CPNE4: variants seen among roughly 807,000 people sequenced by gnomAD.
CPNE4 encodes the protein copine-4.
CPNE4 carries 25 observed loss-of-function variants against 67.9 expected under a neutral mutation model. The observed-to-expected ratio is 0.37, with a 90% CI of 0.27 to 0.51. CPNE4 has a LOEUF of 0.51. Ranked by LOEUF, CPNE4 falls within the 20% of genes least tolerant of loss-of-function variation. CPNE4 has a pLI of 0.93. For missense variants in CPNE4, 464 were observed against 690.8 expected (o/e 0.67, Z 3.68); for synonymous variants, 242 against 244.9 (o/e 0.99, Z 0.11).
At position 131,737,115 on chromosome 3, in the gene CPNE4, C is replaced by CATTT. The variant is rs1188464902; in HGVS notation, c.181-13491_181-13490insAAAT. On this transcript the variant is annotated intron_variant, in intron 2 of 15. Transcript: ENST00000429747. ...TGCCTCTTTTTATGAAGTATTGTGT[C>CATTT]TTTTTTTTTTTTTTTTTTTTTTTTT... is the stretch of plus-strand genomic sequence containing the variant. 7.3e-4 allele frequency among the ~76,000 whole-genome samples: 36 copies of CATTT among 49,402 alleles called. 1 individual carries two copies. Among genetic ancestry groups the CATTT allele is most frequent in the African/African-American group, 2.6e-3 (34 of 13,092 alleles). The allele number at this position is 49,402 out of a possible 152,430, so 32.4% of individuals were successfully genotyped here.
chr3:131,675,015 A>G (rs926244035), intron 6 of CPNE4, among the ~76,000 whole-genome samples: 1 of 151,886 alleles, frequency 6.6e-6, no homozygotes, highest in African/African-American at 2.4e-5. Flanking sequence ...TTATTTTCAT[A>G]TTCATTTGTT....
chr3:131,792,688 TATATATACATATACACACAC>T (rs1465203278), intron 2 of CPNE4, among the ~76,000 whole-genome samples: 14 of 48,466 alleles, frequency 2.9e-4, no homozygotes, highest in East Asian at 1.1e-3. Context: ...TACACACGTG[TATATATACATATACACACAC>T]GTGTATATAT....
At chr3:131,880,361 C>T (rs964754460) in intron 2 of CPNE4, among the ~76,000 whole-genome samples, 6 of 152,034 alleles carry the variant, frequency 3.9e-5, no homozygotes, top group Non-Finnish European at 8.8e-5. Context: ...GTGATACGCC[C>T]GCCCGACCTC....
intron 2 of CPNE4, among the ~76,000 whole-genome samples, chr3:131,886,134 T>C (rs1200317164): frequency 2.6e-5 from 4 of 152,228 alleles, no homozygotes; most frequent in Admixed American, 6.5e-5. Flanking sequence ...AGTGGTTTCA[T>C]GGGCTGGGCC....
chr3:131,687,593 G>A (rs1484958827), intron 5 of CPNE4, among the ~76,000 whole-genome samples: 1 of 152,118 alleles, frequency 6.6e-6, no homozygotes, highest in African/African-American at 2.4e-5. Flanking sequence ...GCAAGCCAGA[G>A]TCAAACTCGT....
rs758212457 is a variant in CPNE4 at position 131,685,842 on chromosome 3, A to G, written c.591+33T>C. The G allele has an allele frequency of 3.6e-6, 5 of 1,371,094 alleles. No individual in the cohort carries two copies. In the South Asian group the frequency reaches 4.7e-5, roughly 13 times the overall value. The allele number at this position is 1,371,094 out of a possible 1,614,324, so 84.9% of individuals were successfully genotyped here. A position where few individuals can be genotyped will look rare whatever the true frequency, so the allele number is the denominator to read the frequency against. On this transcript the variant is annotated intron_variant, in intron 6 of 15. Coordinates refer to ENST00000429747, the MANE Select transcript of CPNE4 (RefSeq NM_130808.3). ...TAGGTCAATTTATCATCATCTTAGG[A>G]GATAAGAGGGCATAGCTGAAGATGA...
intron 5 of CPNE4, among the ~76,000 whole-genome samples, chr3:131,690,146 C>A (rs1583027027): frequency 1.3e-5 from 2 of 152,102 alleles, no homozygotes; most frequent in South Asian, 4.1e-4. Flanking sequence ...ATGCTACTTA[C>A]ATCAAACTAT....
Position 131,543,419 on chromosome 3 carries a change from A to G in CPNE4, c.1303-626T>C, listed in dbSNP as rs554250106. On this transcript the variant is annotated intron_variant, in intron 14 of 15. Coordinates refer to ENST00000429747, the MANE Select transcript of CPNE4 (RefSeq NM_130808.3). Reference sequence around the variant, plus strand: ...TTAATCTACTTTTTCTTTCTTTGTAACTGTCAGTGAGGTAGTTATTAAAAT... The same window carrying G: ...TTAATCTACTTTTTCTTTCTTTGTAGCTGTCAGTGAGGTAGTTATTAAAAT... Among the ~76,000 whole-genome samples the G allele has an allele frequency of 4.5e-4, 69 of 152,302 alleles. 1 individual carries two copies. The highest frequency in any genetic ancestry group is 8.8e-4 in the Non-Finnish European group (60 of 68,028).
At chr3:131,978,121 AAT>A (rs1386040260) in intron 1 of CPNE4, among the ~76,000 whole-genome samples, 5 of 70,494 alleles carry the variant, frequency 7.1e-5, no homozygotes, top group South Asian at 3.3e-4. Flanking sequence ...AATATATATA[AAT>A]ATATATATTT....
chr3:131,860,705 G>A (rs1262963619), intron 2 of CPNE4, among the ~76,000 whole-genome samples: 1 of 137,158 alleles, frequency 7.3e-6, no homozygotes, highest in East Asian at 2.1e-4. Flanking sequence ...CTGGAAATAG[G>A]GGTTATATTG....
In CPNE4 at chr3:131,576,568, C is replaced by T. The variant is rs190393808; in HGVS notation, c.868-1438G>A. ...TATGATAAGATGCCTGACATGGAGA[C>T]AGATGTCTGTATCTGTAAGAAGAGT... is the stretch of plus-strand genomic sequence containing the variant. On this transcript the variant is annotated intron_variant, in intron 9 of 15. Coordinates refer to ENST00000429747, the MANE Select transcript of CPNE4 (RefSeq NM_130808.3). Among the ~76,000 whole-genome samples the T allele has an allele frequency of 1.2e-3, 179 of 152,216 alleles. 1 individual carries two copies. Among genetic ancestry groups the T allele is most frequent in the African/African-American group, 3.7e-3 (152 of 41,556 alleles).
chr3:131,986,988 A>G (rs1234838427), intron 1 of CPNE4, among the ~76,000 whole-genome samples: 1 of 152,184 alleles, frequency 6.6e-6, no homozygotes, highest in Non-Finnish European at 1.5e-5. Context: ...CTCAAGGCCA[A>G]TTAAATCAGA....
At chr3:131,717,448 A>T (rs896035179) in intron 3 of CPNE4, among the ~76,000 whole-genome samples, 2 of 152,178 alleles carry the variant, frequency 1.3e-5, no homozygotes. Context: ...ACCTATAGGG[A>T]TTAAGCTCCC....
intron 5 of CPNE4, among the ~76,000 whole-genome samples, chr3:131,695,485 T>G (rs1263412968): frequency 6.6e-6 from 1 of 152,200 alleles, no homozygotes; most frequent in East Asian, 1.9e-4. Flanking sequence ...AAGAGCATAC[T>G]AAGTGTAGAG....
chr3:131,780,545 A>T (rs1382095511), intron 2 of CPNE4, among the ~76,000 whole-genome samples: 2 of 152,164 alleles, frequency 1.3e-5, no homozygotes, highest in African/African-American at 4.8e-5. Context: ...ATGGAGCTGG[A>T]GGCCGTTATC....
intron 1 of CPNE4, among the ~76,000 whole-genome samples, chr3:131,981,093 G>A (rs1169315701): frequency 2.0e-5 from 3 of 152,144 alleles, no homozygotes; most frequent in Non-Finnish European, 2.9e-5. Flanking sequence ...TCCAGTGGAG[G>A]TGGTGGGGGA....
intron 2 of CPNE4, among the ~76,000 whole-genome samples, chr3:131,789,448 T>A (rs927080394): frequency 6.6e-6 from 1 of 152,162 alleles, no homozygotes; most frequent in Admixed American, 6.6e-5. Context: ...TGGTTCAAAT[T>A]TTAGCTCTGC....
intron 2 of CPNE4, among the ~76,000 whole-genome samples, chr3:131,737,672 G>A (rs769211040): frequency 6.6e-6 from 1 of 152,138 alleles, no homozygotes; most frequent in Non-Finnish European, 1.5e-5. Flanking sequence ...TGAGCTCTGT[G>A]CTAAGTCCCC....
At chr3:131,785,690 T>G (rs953116316) in intron 2 of CPNE4, among the ~76,000 whole-genome samples, 7 of 151,668 alleles carry the variant, frequency 4.6e-5, no homozygotes, top group Non-Finnish European at 1.0e-4. Flanking sequence ...TCTCTCTCTC[T>G]CTCTCTCTCA....
Sources: allele counts gnomAD v4.1 joint callset (sites outside exome capture counted in the v4.1 genomes callset), GRCh38; gene constraint gnomAD v4.1.1; transcripts MANE v1.5; gene names NCBI Gene and HGNC (gene_info 2026-07-23, HGNC 2026-07-21).